Variants in NCALD observed in about 807,000 individuals in gnomAD.
NCALD encodes the protein neurocalcin-delta.
Under a neutral mutation model 18.6 loss-of-function variants are expected in NCALD, and 10 were observed. The observed-to-expected ratio is 0.54, with a 90% confidence interval of 0.33 to 0.91. The LOEUF (loss-of-function observed/expected upper bound fraction) is 0.91, where lower values mean the gene tolerates loss of function less well. NCALD is among the 40% of genes least tolerant of loss of function. The pLI is 0.03. For synonymous variants in NCALD, 88 were observed against 87.4 expected, an observed-to-expected ratio of 1.01 and a Z score of -0.04; for missense variants, 184 against 247.6, an observed-to-expected ratio of 0.74 and a Z score of 1.72.
chr8:101,963,866 A>T (rs1287872666), intron 2 of NCALD, among the ~76,000 whole-genome samples: 2 of 152,180 alleles, frequency 1.3e-5, no homozygotes, highest in Non-Finnish European at 2.9e-5. Flanking sequence ...GTGGTACAGT[A>T]GTTCACAGTC....
At chr8:102,057,295 T>TATAG (rs533978089) in intron 1 of NCALD, among the ~76,000 whole-genome samples, 1 of 131,668 alleles carries the variant, frequency 7.6e-6, no homozygotes, top group Non-Finnish European at 1.7e-5. Context: ...CATATGTACA[T>TATAG]ATAGATAGAT....
intron 4 of NCALD, among the ~76,000 whole-genome samples, chr8:101,856,321 C>T (rs761651682): frequency 1.2e-4 from 18 of 152,066 alleles, no homozygotes; most frequent in African/African-American, 2.7e-4. Context: ...CACAGGCGCA[C>T]GCCACCATGC....
At chr8:102,013,552 C>G (rs1256983483) in intron 2 of NCALD, among the ~76,000 whole-genome samples, 3 of 152,156 alleles carry the variant, frequency 2.0e-5, no homozygotes, top group African/African-American at 7.2e-5. Flanking sequence ...CCAGGGCAAC[C>G]AGAACAACTC....
intron 1 of NCALD, among the ~76,000 whole-genome samples, chr8:102,116,136 A>G (rs1386654929): frequency 1.3e-5 from 2 of 152,156 alleles, no homozygotes; most frequent in Non-Finnish European, 2.9e-5. Flanking sequence ...GAGGGATAGC[A>G]TTAGGAGATA....
chr8:101,954,926 T>G lies in NCALD; in HGVS notation c.-156-39068A>C, dbSNP rs563647553. On this transcript the variant is annotated intron_variant, in intron 2 of 6. Transcript: ENST00000311028. ...TGATCTATGGCTTCCCCCAAGTCCT[T>G]GATCCTCTCTGAGCCTCAGTTATTT... Among the ~76,000 whole-genome samples the G allele has an allele frequency of 6.6e-5, 10 of 152,314 alleles. No homozygotes were observed. In the South Asian group the frequency reaches 1.9e-3, roughly 28 times the overall value.
intron 3 of NCALD, among the ~76,000 whole-genome samples, chr8:101,898,501 A>G (rs1416930242): frequency 1.3e-5 from 2 of 152,176 alleles, no homozygotes; most frequent in African/African-American, 4.8e-5. Context: ...TAGAACAAAC[A>G]TTTTAAATTT....
At chr8:101,763,975 CACACACACACACACACA>C (rs1811229739) in intron 1 of NCALD, among the ~76,000 whole-genome samples, 1 of 27,826 alleles carries the variant, frequency 3.6e-5, no homozygotes, top group Non-Finnish European at 1.6e-4. Context: ...TCCACACACA[CACACACACACACACACA>C]CACACACACA....
At chr8:101,997,059 T>C (rs1005566879) in intron 2 of NCALD, among the ~76,000 whole-genome samples, 3 of 152,094 alleles carry the variant, frequency 2.0e-5, no homozygotes, top group Non-Finnish European at 2.9e-5. Context: ...CTACTCAGAG[T>C]CATGACATTC....
rs74817348 is a variant in NCALD at position 101,842,603 on chromosome 8, C to T, written c.-20+44538G>A. Among the ~76,000 whole-genome samples the T allele has an allele frequency of 2.8e-3, 433 of 152,338 alleles. 3 individuals are homozygous for T. Among genetic ancestry groups the T allele is most frequent in the Non-Finnish European group, 4.3e-3 (293 of 68,032 alleles). Reference sequence around the variant, plus strand: ...ATGGTCACAAGATGGCTATTGCAGCCTTAAGGCAGGAAGACAGGGAAGGGG... The same window carrying T: ...ATGGTCACAAGATGGCTATTGCAGCTTTAAGGCAGGAAGACAGGGAAGGGG... On this transcript the variant is annotated intron_variant, in intron 4 of 6. Coordinates refer to the NCALD transcript ENST00000311028.
intron 2 of NCALD, among the ~76,000 whole-genome samples, chr8:101,926,338 T>C (rs1042852405): frequency 6.6e-6 from 1 of 152,212 alleles, no homozygotes; most frequent in Non-Finnish European, 1.5e-5. Context: ...TTTTCTTTTC[T>C]GGCTCCAGTA....
Position 101,988,085 on chromosome 8 carries a change from G to A in NCALD, c.-157+32152C>T, listed in dbSNP as rs547587430. Among the ~76,000 whole-genome samples, 5 of 149,950 alleles carry A rather than the reference G, an allele frequency of 3.3e-5. No homozygotes were observed. The South Asian group carries it at 1.1e-3, about 32-fold the overall frequency. ...CAGGAGAATGGCGGGAATCCGGGAG[G>A]CGGAGCTTGCGGTGAGCCGAGATCG... is the stretch of plus-strand genomic sequence containing the variant. On this transcript the variant is annotated intron_variant, in intron 2 of 6. Coordinates refer to the NCALD transcript ENST00000311028.
intron 3 of NCALD, among the ~76,000 whole-genome samples, chr8:101,899,506 T>C (rs917736020): frequency 1.3e-5 from 2 of 151,996 alleles, no homozygotes; most frequent in African/African-American, 4.8e-5. Flanking sequence ...TTAAGTACAA[T>C]GTTAGCTATA....
intron 1 of NCALD, among the ~76,000 whole-genome samples, chr8:101,725,404 C>A (rs1816529314): frequency 6.6e-6 from 1 of 152,216 alleles, no homozygotes; most frequent in Non-Finnish European, 1.5e-5. Context: ...CATCCCCTTT[C>A]CAGCTTCCCT....
chr8:101,722,053 G>C (rs1442315924), intron 1 of NCALD, among the ~76,000 whole-genome samples: 1 of 152,056 alleles, frequency 6.6e-6, no homozygotes, highest in Non-Finnish European at 1.5e-5. Flanking sequence ...TTGTTGCCTA[G>C]CCTGGTCTCA....
chr8:101,771,077 TTTTC>T (rs1179856321), intron 1 of NCALD, among the ~76,000 whole-genome samples: 13 of 152,202 alleles, frequency 8.5e-5, no homozygotes, highest in African/African-American at 3.1e-4. Context: ...AGTTACTTTC[TTTTC>T]TTTCTACCTA....
intron 2 of NCALD, among the ~76,000 whole-genome samples, chr8:102,011,776 A>T (rs1357438685): frequency 6.6e-6 from 1 of 152,200 alleles, no homozygotes; most frequent in African/African-American, 2.4e-5. Flanking sequence ...AAAACTCTTC[A>T]AATTTATCTT....
At chr8:101,898,637 T>C in intron 3 of NCALD, among the ~76,000 whole-genome samples, 1 of 152,164 alleles carries the variant, frequency 6.6e-6, no homozygotes, top group East Asian at 1.9e-4. Flanking sequence ...ACAAGTTTTC[T>C]AGTTTTATGT....
rs376758306 is a variant in NCALD, at chr8:101,893,891, G to A, written c.-106-6664C>T. 7.5e-5 allele frequency among the ~76,000 whole-genome samples: 11 copies of A among 146,040 alleles called. No homozygotes were observed. In the East Asian group the frequency reaches 1.2e-3, roughly 15 times the overall value. On this transcript the variant is annotated intron_variant, in intron 3 of 6. Transcript: ENST00000311028. ...AGTCCTGAGTGACCTACAAAGAGAC[G>A]TAGACTCCCACACATTAATAATGGT... is the stretch of plus-strand genomic sequence containing the variant.
At chr8:101,994,721 C>T (rs1288507480) in intron 2 of NCALD, among the ~76,000 whole-genome samples, 1 of 152,222 alleles carries the variant, frequency 6.6e-6, no homozygotes, top group African/African-American at 2.4e-5. Context: ...TCCTTCATAT[C>T]CCCAAGGCTC....
Sources: allele counts gnomAD v4.1 joint callset (sites outside exome capture counted in the v4.1 genomes callset), GRCh38; gene constraint gnomAD v4.1.1; transcripts MANE v1.5; gene names NCBI Gene and HGNC (gene_info 2026-07-23, HGNC 2026-07-21).